The following FAT4 variants were observed in gnomAD, a reference collection of about 807,000 sequenced individuals.
The protein encoded by FAT4 is protocadherin Fat 4.
In FAT4, 84 loss-of-function variants were observed where a neutral mutation model predicts 303.9. The observed-to-expected ratio is 0.28, with a 90% confidence interval of 0.23 to 0.33. The LOEUF (loss-of-function observed/expected upper bound fraction) is 0.33, where lower values mean the gene tolerates loss of function less well. Among genes scored for constraint, FAT4 ranks in the 10% least tolerant of loss-of-function variants. The probability of loss-of-function intolerance (pLI) is 1.00; values close to 1 mark genes in which losing one functional copy is unlikely to be tolerated. For synonymous variants in FAT4, 2,307 were observed against 2,298.8 expected, an observed-to-expected ratio of 1.00 and a Z score of -0.10; for missense variants, 6,005 against 6,146.8, an observed-to-expected ratio of 0.98 and a Z score of 0.77.
chr4:125,330,220 A>T (rs1284764754), intron 2 of FAT4, among the ~76,000 whole-genome samples: 4 of 151,328 alleles, frequency 2.6e-5, no homozygotes, highest in African/African-American at 9.7e-5. Flanking sequence ...TACTTCAAGT[A>T]TTTTTTTTTA....
At chr4:125,405,780 G>C (rs1734576453) in intron 3 of FAT4, among the ~76,000 whole-genome samples, 1 of 152,106 alleles carries the variant, frequency 6.6e-6, no homozygotes, top group South Asian at 2.1e-4. Flanking sequence ...GGGATTACAG[G>C]TGTGAGCCAC....
intron 15 of FAT4, among the ~76,000 whole-genome samples, chr4:125,480,902 T>G (rs1364654682): frequency 1.3e-5 from 2 of 152,094 alleles, no homozygotes; most frequent in Non-Finnish European, 2.9e-5. Context: ...TGAGCTCATT[T>G]TCTTAATATT....
At chr4:125,324,958 C>G (rs919335491) in intron 2 of FAT4, among the ~76,000 whole-genome samples, 1 of 151,968 alleles carries the variant, frequency 6.6e-6, no homozygotes, top group Non-Finnish European at 1.5e-5. Context: ...TACATCTTTA[C>G]AAATCTCTTT....
In FAT4 at chr4:125,408,733, A is replaced by G. The variant is rs750266855; in HGVS notation, c.5859A>G (p.Leu1953=). 1.2e-6 allele frequency: 2 copies of G among 1,609,360 alleles called. No individual in the cohort carries two copies. Among genetic ancestry groups the G allele is most frequent in the Non-Finnish European group, 1.7e-6 (2 of 1,177,212 alleles). Reference sequence around the variant, plus strand: ...GCTTGAATTCATACAGCACATCTTTAATGGAGAATCTACCTGTGGGATCTA... The same window carrying G: ...GCTTGAATTCATACAGCACATCTTTGATGGAGAATCTACCTGTGGGATCTA... The part of the protein sequence containing the change: ...IFSLNSYSTS[L]MENLPVGSTV... Residue 1953 remains leucine, a synonymous_variant, in exon 5 of 18, where the codon TTA becomes TTG. Transcript: ENST00000394329.
At chr4:125,436,290 T>C (rs1725449982) in intron 8 of FAT4, among the ~76,000 whole-genome samples, 1 of 152,088 alleles carries the variant, frequency 6.6e-6, no homozygotes, top group South Asian at 2.1e-4. Context: ...GATCATGATA[T>C]GATATCATTT....
At position 125,406,976 on chromosome 4, in the gene FAT4, T is replaced by C. The variant is rs191940938; in HGVS notation, c.5404T>C (p.Leu1802=). 1.2e-5 allele frequency: 19 copies of C among 1,613,668 alleles called. No homozygotes were observed. In the African/African-American group the frequency reaches 1.7e-4, roughly 15 times the overall value. The change falls in exon 4 of 18, where the codon TTG becomes CTG. Residue 1802 remains leucine, a synonymous_variant. Coordinates refer to ENST00000394329, the MANE Select transcript of FAT4 (RefSeq NM_001291303.3). ...ESGDLIATRR[L]DRERRSKYSL... The stretch of plus-strand genomic sequence containing the variant: ...CGGAGATCTGATAGCAACCAGGCGG[T>C]TGGACAGGGAACGCCGCTCCAAATA...
At position 125,426,455 on chromosome 4, in the gene FAT4, G is replaced by A. The variant is rs1725090538; in HGVS notation, c.7019-7790G>A. 2.6e-5 allele frequency among the ~76,000 whole-genome samples: 4 copies of A among 151,906 alleles called. No individual in the cohort carries two copies. In the South Asian group the frequency reaches 8.3e-4, roughly 32 times the overall value. ...TTCCATTGGCATATTTGTCATAGAT[G>A]GGAATCTTGTTTCCAAAGTTGATAA... On this transcript the variant is annotated intron_variant, in intron 7 of 17. Transcript: ENST00000394329.
At chr4:125,356,549 G>T (rs375952391) in intron 2 of FAT4, among the ~76,000 whole-genome samples, 1,619 of 131,238 alleles carry the variant, frequency 0.012, 17 homozygotes, top group African/African-American at 0.038. Context: ...TTTGTTTTTT[G>T]TTTTTTTTTT....
At chr4:125,467,131 G>T (rs777784659) in intron 11 of FAT4, among the ~76,000 whole-genome samples, 4 of 139,254 alleles carry the variant, frequency 2.9e-5, no homozygotes, top group African/African-American at 5.1e-5. Context: ...AGTCTGGACA[G>T]AAAAGGAAAA....
chr4:125,450,418 A>T lies in FAT4; in HGVS notation c.9408A>T (p.Glu3136Asp), dbSNP rs749565102. 12 of 1,614,126 alleles carry T rather than the reference A, an allele frequency of 7.4e-6. No individual in the cohort carries two copies. Among genetic ancestry groups the T allele is most frequent in the Admixed American group, 1.7e-5 (1 of 60,012 alleles). ...IKYSISSGNE[E>D]GIFAINSSTG... ...ACAGCATTTCTTCAGGAAATGAAGA[A>T]GGCATTTTTGCAATCAATTCTTCTA... Residue 3136 changes from glutamate (E) to aspartate (D), a missense_variant, in exon 10 of 18, where the codon GAA (glutamate) becomes GAT (aspartate). Coordinates refer to ENST00000394329, the MANE Select transcript of FAT4 (RefSeq NM_001291303.3).
intron 8 of FAT4, among the ~76,000 whole-genome samples, chr4:125,437,956 A>C (rs1281022680): frequency 1.3e-5 from 2 of 152,182 alleles, no homozygotes; most frequent in Admixed American, 1.3e-4. Flanking sequence ...AACAATGCTC[A>C]ATAAATGTCA....
At chr4:125,368,522 GTA>G (rs11391727) in intron 2 of FAT4, among the ~76,000 whole-genome samples, 102 of 133,760 alleles carry the variant, frequency 7.6e-4, no homozygotes, top group African/African-American at 1.5e-3. Context: ...TTATATATAT[GTA>G]TATATATATA....
chr4:125,457,375 A>G (rs1006492525), intron 10 of FAT4, among the ~76,000 whole-genome samples: 1 of 152,148 alleles, frequency 6.6e-6, no homozygotes, highest in Non-Finnish European at 1.5e-5. Flanking sequence ...AGTTATTATC[A>G]TACTGTCACA....
intron 8 of FAT4, among the ~76,000 whole-genome samples, chr4:125,445,170 T>C (rs1264268141): frequency 6.6e-6 from 1 of 152,086 alleles, no homozygotes; most frequent in Admixed American, 6.6e-5. Flanking sequence ...AAACCACTTC[T>C]CTATTCTTTC....
intron 12 of FAT4, 24 bp downstream of exon 12, chr4:125,468,843 G>T: frequency 6.3e-7 from 1 of 1,592,248 alleles, no homozygotes; most frequent in Non-Finnish European, 8.6e-7. Flanking sequence ...TTTTATTGTT[G>T]TTGTATATCC....
Position 125,468,644 on chromosome 4 carries a change from T to A in FAT4, c.12038T>A (p.Leu4013Ter). Residue 4013 changes from leucine to a stop codon, truncating the protein, a stop_gained, in exon 12 of 18, where the codon TTG becomes TAG. Transcript: ENST00000394329. LOFTEE classifies it high-confidence loss of function. ...GCCACGATTAAAAGTCATGCCTTAT[T>A]GCTTTACAACTATGACAACCAGACA... ...KFATIKSHALLLYNYDNQTGD... is the reference protein window; with the variant it reads ...KFATIKSHAL 1 of 1,614,162 alleles carries A rather than the reference T, an allele frequency of 6.2e-7. No homozygotes were observed. The highest frequency in any genetic ancestry group is 2.2e-5 in the East Asian group (1 of 44,866).
chr4:125,348,423 T>C (rs1732089157), intron 2 of FAT4, among the ~76,000 whole-genome samples: 1 of 151,716 alleles, frequency 6.6e-6, no homozygotes, highest in Admixed American at 6.6e-5. Flanking sequence ...TCTGATCTCA[T>C]GTGTCCTGCT....
intron 2 of FAT4, among the ~76,000 whole-genome samples, chr4:125,394,897 A>G (rs950063021): frequency 6.6e-6 from 1 of 152,198 alleles, no homozygotes; most frequent in Non-Finnish European, 1.5e-5. Context: ...ATTAAAGTAC[A>G]TCACCTATTT....
intron 2 of FAT4, among the ~76,000 whole-genome samples, chr4:125,354,540 C>A (rs1732353558): frequency 6.6e-6 from 1 of 151,562 alleles, no homozygotes. Flanking sequence ...AAGAGAGTCC[C>A]AGGCCAATTT....
Sources: allele counts gnomAD v4.1 joint callset (sites outside exome capture counted in the v4.1 genomes callset), GRCh38; gene constraint gnomAD v4.1.1; transcripts MANE v1.5; gene names NCBI Gene and HGNC (gene_info 2026-07-23, HGNC 2026-07-21).